EEFSEC: variants seen among roughly 807,000 people sequenced by gnomAD.
EEFSEC encodes the protein selenocysteine-specific elongation factor.
Under a neutral mutation model 42.1 loss-of-function variants are expected in EEFSEC, and 43 were observed. The observed-to-expected ratio is 1.02, with a 90% CI of 0.80 to 1.32. The LOEUF (loss-of-function observed/expected upper bound fraction) is 1.32, where lower values mean the gene tolerates loss of function less well. Ranked by LOEUF, EEFSEC falls within the 40% of genes most tolerant of loss-of-function variation. The pLI is 0.00. For missense variants in EEFSEC, 745 were observed against 803.6 expected, an observed-to-expected ratio of 0.93 and a Z score of 0.88; for synonymous variants, 354 against 339.1, an observed-to-expected ratio of 1.04 and a Z score of -0.48.
At chr3:128,330,448 G>T (rs969702189) in intron 4 of EEFSEC, among the ~76,000 whole-genome samples, 2 of 152,176 alleles carry the variant, frequency 1.3e-5, no homozygotes. Flanking sequence ...ACAACAGAGC[G>T]CACAGGCACA....
intron 6 of EEFSEC, among the ~76,000 whole-genome samples, chr3:128,376,820 G>C (rs757506896): frequency 2.0e-4 from 30 of 152,172 alleles, no homozygotes; most frequent in Non-Finnish European, 4.0e-4. Context: ...TGTGAAAGAG[G>C]AAAGATTTAA....
intron 5 of EEFSEC, among the ~76,000 whole-genome samples, chr3:128,345,458 A>G (rs2067302165): frequency 6.6e-6 from 1 of 152,138 alleles, no homozygotes; most frequent in African/African-American, 2.4e-5. Flanking sequence ...GAAGTGCCCT[A>G]TGCTCTTCTT....
intron 1 of EEFSEC, among the ~76,000 whole-genome samples, chr3:128,220,254 A>G (rs1192750530): frequency 6.6e-6 from 1 of 152,320 alleles, no homozygotes; most frequent in East Asian, 1.9e-4. Flanking sequence ...CCTTTCAGGA[A>G]ATATCTTTGG....
At chr3:128,165,160 A>G (rs1463134786) in intron 1 of EEFSEC, among the ~76,000 whole-genome samples, 1 of 152,054 alleles carries the variant, frequency 6.6e-6, no homozygotes, top group Non-Finnish European at 1.5e-5. Context: ...TCTCCTAGGG[A>G]GGCGTTTCCA....
chr3:128,332,079 A>T (rs2067139839), intron 4 of EEFSEC, among the ~76,000 whole-genome samples: 1 of 152,234 alleles, frequency 6.6e-6, no homozygotes, highest in African/African-American at 2.4e-5. Flanking sequence ...GAAATACTAT[A>T]CAGCTGTCAA....
chr3:128,270,901 C>T (rs961831635), intron 4 of EEFSEC, among the ~76,000 whole-genome samples: 1 of 152,144 alleles, frequency 6.6e-6, no homozygotes, highest in Non-Finnish European at 1.5e-5. Flanking sequence ...GTCTTTGTGC[C>T]TGCATCTCCT....
chr3:128,314,270 C>T (rs1391590246), intron 4 of EEFSEC, among the ~76,000 whole-genome samples: 1 of 152,162 alleles, frequency 6.6e-6, no homozygotes, highest in Non-Finnish European at 1.5e-5. Flanking sequence ...AAATAAGGAA[C>T]TCTTTCTTTT....
chr3:128,314,008 T>C (rs2108024860), intron 4 of EEFSEC, among the ~76,000 whole-genome samples: 1 of 152,334 alleles, frequency 6.6e-6, no homozygotes, highest in Non-Finnish European at 1.5e-5. Context: ...CTTGCTTTTA[T>C]CTCCTCCACT....
At chr3:128,163,960 A>G (rs1010642637) in intron 1 of EEFSEC, among the ~76,000 whole-genome samples, 1 of 151,216 alleles carries the variant, frequency 6.6e-6, no homozygotes, top group African/African-American at 2.4e-5. Flanking sequence ...AAACAAAACT[A>G]TTTCTATTGA....
At chr3:128,294,874 A>G (rs2066685258) in intron 4 of EEFSEC, among the ~76,000 whole-genome samples, 1 of 152,170 alleles carries the variant, frequency 6.6e-6, no homozygotes, top group South Asian at 2.1e-4. Flanking sequence ...AAAAACAGAA[A>G]CACATCATAC....
chr3:128,392,194 G>A (rs889518548), intron 6 of EEFSEC, among the ~76,000 whole-genome samples: 1 of 152,180 alleles, frequency 6.6e-6, no homozygotes, highest in Non-Finnish European at 1.5e-5. Flanking sequence ...ACCCAGAGTG[G>A]GAGTTAGGCA....
At chr3:128,203,401 A>C (rs531763561) in intron 1 of EEFSEC, among the ~76,000 whole-genome samples, 2 of 152,248 alleles carry the variant, frequency 1.3e-5, no homozygotes, top group African/African-American at 4.8e-5. Context: ...GCAGAGGAAG[A>C]TGATGAGTGT....
chr3:128,234,328 C>G (rs2065986997), intron 1 of EEFSEC, among the ~76,000 whole-genome samples: 1 of 152,136 alleles, frequency 6.6e-6, no homozygotes. Context: ...GTTGGGATTA[C>G]AGGCATGAGC....
At position 128,358,210 on chromosome 3, in the gene EEFSEC, G is replaced by A. The variant is rs1383212874; in HGVS notation, c.1444-7G>A. 3 of 1,613,308 alleles carry A rather than the reference G, an allele frequency of 1.9e-6. No individual in the cohort carries two copies. Among genetic ancestry groups the A allele is most frequent in the East Asian group, 4.5e-5 (2 of 44,872 alleles). On this transcript the variant is annotated splice_region_variant and splice_polypyrimidine_tract_variant and intron_variant, in intron 5 of 6. Coordinates refer to ENST00000254730, the MANE Select transcript of EEFSEC (RefSeq NM_021937.5). ...CCCTCTCTCTGTGGCTGGGTGTGTG[G>A]GGACAGGCGATGGATGACTACAGTG... is the stretch of plus-strand genomic sequence containing the variant.
At chr3:128,228,851 A>C (rs982215243) in intron 1 of EEFSEC, among the ~76,000 whole-genome samples, 21 of 152,208 alleles carry the variant, frequency 1.4e-4, no homozygotes, top group African/African-American at 5.1e-4. Flanking sequence ...AACGGAGCCT[A>C]GTTATAGTGA....
intron 4 of EEFSEC, among the ~76,000 whole-genome samples, chr3:128,308,268 G>A (rs1385637977): frequency 6.6e-6 from 1 of 152,258 alleles, no homozygotes; most frequent in African/African-American, 2.4e-5. Context: ...GAAGAGCCAA[G>A]TCATCCTGGC....
At chr3:128,197,569 G>A (rs555637033) in intron 1 of EEFSEC, among the ~76,000 whole-genome samples, 5 of 152,150 alleles carry the variant, frequency 3.3e-5, no homozygotes, top group African/African-American at 7.2e-5. Flanking sequence ...CACTGCGCCC[G>A]GCCGGAAATA....
chr3:128,329,513 C>T (rs971245051), intron 4 of EEFSEC, among the ~76,000 whole-genome samples: 1 of 151,494 alleles, frequency 6.6e-6, no homozygotes, highest in South Asian at 2.1e-4. Flanking sequence ...GGTCAAGTGG[C>T]GGGGGCTGTG....
At chr3:128,301,308 T>C (rs2066765807) in intron 4 of EEFSEC, among the ~76,000 whole-genome samples, 1 of 152,164 alleles carries the variant, frequency 6.6e-6, no homozygotes, top group South Asian at 2.1e-4. Context: ...AGCTCTTCCT[T>C]TTACCTGGGC....
Sources: allele counts gnomAD v4.1 joint callset (sites outside exome capture counted in the v4.1 genomes callset), GRCh38; gene constraint gnomAD v4.1.1; transcripts MANE v1.5; gene names NCBI Gene and HGNC (gene_info 2026-07-23, HGNC 2026-07-21).